Variants in METTL15 observed in about 807,000 individuals in gnomAD.
The protein encoded by METTL15 is 12S rRNA N(4)-cytidine methyltransferase METTL15.
In METTL15, 34 loss-of-function variants were observed where a neutral mutation model predicts 38.3. The ratio of observed to expected loss-of-function variants is 0.89; its 90% CI spans 0.68 to 1.18. The LOEUF is 1.18. METTL15 is among the 50% of genes most tolerant of loss of function. The pLI, the probability that METTL15 is intolerant of heterozygous loss-of-function variation, is 0.00. For synonymous variants in METTL15, 162 were observed against 170.9 expected (o/e 0.95, Z 0.41); for missense variants, 438 against 498.4 (o/e 0.88, Z 1.15).
intron 6 of METTL15, among the ~76,000 whole-genome samples, chr11:28,329,162 C>A (rs1334481793): frequency 6.6e-6 from 1 of 152,064 alleles, no homozygotes; most frequent in Non-Finnish European, 1.5e-5. Flanking sequence ...TAATTACATT[C>A]TTTTACATGT....
intron 6 of METTL15, among the ~76,000 whole-genome samples, chr11:28,475,919 G>T (rs191594856): frequency 6.6e-6 from 1 of 152,144 alleles, no homozygotes; most frequent in Non-Finnish European, 1.5e-5. Flanking sequence ...ACCAGTGACT[G>T]TCCTCTCCTC....
chr11:28,137,884 A>C (rs1849567001), intron 3 of METTL15, among the ~76,000 whole-genome samples: 1 of 152,016 alleles, frequency 6.6e-6, no homozygotes, highest in Admixed American at 6.6e-5. Flanking sequence ...CACACATAAC[A>C]CATGTATGAT....
rs1288495648 is a variant in METTL15, at chr11:28,332,349, G to A, written c.*1508G>A. On this transcript the variant is annotated 3_prime_UTR_variant, in exon 7 of 7. Coordinates refer to ENST00000407364, the MANE Select transcript of METTL15 (RefSeq NM_001113528.2). ...TTGCATATAATACATATTTGTGAAT[G>A]AGACATATTCCCAAAAAATTCTTAT... 1 of 152,110 alleles carries A rather than the reference G, an allele frequency of 6.6e-6. No homozygotes were observed. The highest frequency in any genetic ancestry group is 1.9e-4 in the East Asian group (1 of 5,196). The allele number at this position is 152,110 out of a possible 1,614,324, so 9.4% of individuals were successfully genotyped here. A position where few individuals can be genotyped will look rare whatever the true frequency, so the allele number is the denominator to read the frequency against.
At chr11:28,206,516 T>C (rs1337204696) in intron 3 of METTL15, among the ~76,000 whole-genome samples, 6 of 151,946 alleles carry the variant, frequency 3.9e-5, no homozygotes, top group African/African-American at 1.5e-4. Flanking sequence ...TGTAGCCTTG[T>C]AGTATAGTTT....
At chr11:28,421,072 A>C (rs963462259) in intron 5 of METTL15, among the ~76,000 whole-genome samples, 5 of 152,058 alleles carry the variant, frequency 3.3e-5, no homozygotes, top group Non-Finnish European at 7.4e-5. Flanking sequence ...ATTAGAGACT[A>C]CTTGAGCAAC....
chr11:28,303,783 C>G lies in METTL15; in HGVS notation c.778+6852C>G, dbSNP rs1856989835. ...GTTCTTAGGTGTTACTGAGGATAAA[C>G]TGTACTTTTTCCGTCATGTTGAAGA... On this transcript the variant is annotated intron_variant, in intron 6 of 6. Transcript: ENST00000407364. 2.6e-5 allele frequency among the ~76,000 whole-genome samples: 4 copies of G among 152,266 alleles called. No homozygotes were observed. The South Asian group carries it at 8.3e-4, about 32-fold the overall frequency.
intron 6 of METTL15, 33 bp downstream of exon 6, chr11:28,296,964 G>GA (rs1856761689): frequency 6.2e-7 from 1 of 1,610,688 alleles, no homozygotes; most frequent in Non-Finnish European, 8.5e-7. Context: ...GTGTCTAAGA[G>GA]AAAAAATTAT....
intron 6 of METTL15, among the ~76,000 whole-genome samples, chr11:28,324,711 G>A (rs1849575238): frequency 6.6e-6 from 1 of 152,142 alleles, no homozygotes; most frequent in Non-Finnish European, 1.5e-5. Flanking sequence ...AAATTGTGAT[G>A]CTGCTCATTT....
In METTL15 at chr11:28,395,790, C is replaced by T. The variant is rs576319128; in HGVS notation, c.*359-28509C>T. 2.0e-5 allele frequency among the ~76,000 whole-genome samples: 3 copies of T among 151,958 alleles called. No individual in the cohort carries two copies. In the South Asian group the frequency reaches 6.2e-4, roughly 32 times the overall value. The stretch of plus-strand genomic sequence containing the variant: ...ATACCAAAGCCGGGCAGAGACACAA[C>T]AAAAAAAGAGAATTTTAGACCAATA... On this transcript the variant is annotated intron_variant and NMD_transcript_variant, in intron 5 of 7. Coordinates refer to the METTL15 transcript ENST00000532947.
At chr11:28,269,051 C>T (rs1855541473) in intron 4 of METTL15, among the ~76,000 whole-genome samples, 1 of 152,218 alleles carries the variant, frequency 6.6e-6, no homozygotes, top group South Asian at 2.1e-4. Flanking sequence ...GGTTGCATAG[C>T]GACAATATGT....
intron 6 of METTL15, among the ~76,000 whole-genome samples, chr11:28,491,340 A>C (rs1028465120): frequency 2.0e-5 from 3 of 152,160 alleles, no homozygotes; most frequent in African/African-American, 7.2e-5. Flanking sequence ...GAGTCCCCTT[A>C]TTGAAACTGA....
chr11:28,501,649 T>G (rs1851583545), intron 6 of METTL15, among the ~76,000 whole-genome samples: 1 of 152,172 alleles, frequency 6.6e-6, no homozygotes, highest in Non-Finnish European at 1.5e-5. Context: ...AGAACAGACA[T>G]GAGTTTTGCC....
chr11:28,377,853 T>G (rs1322902584), intron 5 of METTL15, among the ~76,000 whole-genome samples: 1 of 151,652 alleles, frequency 6.6e-6, no homozygotes, highest in Non-Finnish European at 1.5e-5. Context: ...GTCCTTTCTG[T>G]TTGTTAGTTT....
At chr11:28,343,267 AATCT>A (rs777711145) in intron 3 of METTL15, among the ~76,000 whole-genome samples, 12 of 152,140 alleles carry the variant, frequency 7.9e-5, no homozygotes, top group Non-Finnish European at 1.2e-4. Flanking sequence ...GTTATTCTAG[AATCT>A]ATCTTTGTTC....
At chr11:28,163,254 T>C (rs569482693) in intron 3 of METTL15, 16 of 396,066 alleles carry the variant, frequency 4.0e-5, no homozygotes, top group Non-Finnish European at 6.7e-5. Flanking sequence ...TGATGATTAA[T>C]TTGTTGATTT....
chr11:28,224,889 C>CATTA (rs1410840751), intron 4 of METTL15, among the ~76,000 whole-genome samples: 3 of 151,168 alleles, frequency 2.0e-5, no homozygotes, highest in African/African-American at 7.3e-5. Context: ...TTCTTATGTC[C>CATTA]ATTATATATA....
At chr11:28,243,245 A>G (rs1854375877) in intron 4 of METTL15, among the ~76,000 whole-genome samples, 1 of 152,182 alleles carries the variant, frequency 6.6e-6, no homozygotes, top group Non-Finnish European at 1.5e-5. Flanking sequence ...CAGCAGCACT[A>G]TTCCAAGCAG....
At chr11:28,455,646 G>A (rs1590380661) in intron 6 of METTL15, among the ~76,000 whole-genome samples, 1 of 152,116 alleles carries the variant, frequency 6.6e-6, no homozygotes, top group Non-Finnish European at 1.5e-5. Context: ...ATTACAGTCT[G>A]CCCCTCTCCC....
At chr11:28,191,109 G>GT (rs1455542057) in intron 3 of METTL15, among the ~76,000 whole-genome samples, 1 of 151,146 alleles carries the variant, frequency 6.6e-6, no homozygotes, top group Non-Finnish European at 1.5e-5. Context: ...TTTATAAATT[G>GT]TTTTTTAGAA....
Sources: gnomAD v4.1 joint callset for allele counts (sites outside exome capture counted in the v4.1 genomes callset) on GRCh38, gnomAD v4.1.1 for gene constraint, MANE v1.5 for transcripts, NCBI Gene and HGNC (gene_info 2026-07-23, HGNC 2026-07-21) for gene names.